ZWILCH: variants seen among roughly 807,000 people sequenced by gnomAD.
ZWILCH encodes zwilch kinetochore protein, also known as protein zwilch homolog.
In ZWILCH, 74 loss-of-function variants were observed where a neutral mutation model predicts 79.9. That is an observed-to-expected ratio of 0.93 (90% CI 0.77 to 1.12). The LOEUF (loss-of-function observed/expected upper bound fraction) is 1.12, where lower values mean the gene tolerates loss of function less well. Among genes scored for constraint, ZWILCH ranks in the 50% most tolerant of loss-of-function variants. The pLI is 0.00. For missense variants in ZWILCH, 694 were observed against 687.5 expected (o/e 1.01, Z -0.11); for synonymous variants, 241 against 228.2 (o/e 1.06, Z -0.51).
chr15:66,523,784 A>G (rs1397786930), intron 8 of ZWILCH, 36 bp downstream of exon 8: 1 of 1,502,184 alleles, frequency 6.7e-7, no homozygotes, highest in Non-Finnish European at 9.2e-7. Context: ...CCTTAAATCT[A>G]TGTTTTTATA....
chr15:66,516,415 C>T (rs193034622), intron 4 of ZWILCH, among the ~76,000 whole-genome samples: 10 of 152,266 alleles, frequency 6.6e-5, no homozygotes, highest in African/African-American at 2.2e-4. Context: ...CAAATACTAA[C>T]AGAATGGTAT....
intron 8 of ZWILCH, among the ~76,000 whole-genome samples, chr15:66,526,352 AC>A (rs1894672929): frequency 6.6e-6 from 1 of 151,766 alleles, no homozygotes; most frequent in Non-Finnish European, 1.5e-5. Flanking sequence ...GGATCACACC[AC>A]CCTCTTCATC....
chr15:66,518,430 G>A (rs970359303), intron 4 of ZWILCH, among the ~76,000 whole-genome samples: 13 of 151,480 alleles, frequency 8.6e-5, no homozygotes, highest in East Asian at 3.9e-4. Flanking sequence ...ACAGGAGCCC[G>A]CCACTACACC....
intron 7 of ZWILCH, among the ~76,000 whole-genome samples, chr15:66,522,533 T>C (rs912618464): frequency 2.0e-5 from 3 of 151,764 alleles, no homozygotes; most frequent in African/African-American, 7.3e-5. Context: ...AGAGACGGGT[T>C]TTCACCATGT....
At chr15:66,519,523 C>T (rs1215193553) in intron 5 of ZWILCH, among the ~76,000 whole-genome samples, 1 of 152,020 alleles carries the variant, frequency 6.6e-6, no homozygotes, top group Admixed American at 6.5e-5. Context: ...GGCGCGATCT[C>T]GGCTCACTGC....
intron 2 of ZWILCH, among the ~76,000 whole-genome samples, chr15:66,511,137 A>T (rs1241096753): frequency 6.6e-6 from 1 of 152,118 alleles, no homozygotes; most frequent in Non-Finnish European, 1.5e-5. Context: ...AAACTAAGAA[A>T]CCAAATGGAT....
chr15:66,528,558 T>C (rs533588019), intron 10 of ZWILCH, among the ~76,000 whole-genome samples: 3 of 152,354 alleles, frequency 2.0e-5, no homozygotes, highest in African/African-American at 7.2e-5. Context: ...TTAAACTAGA[T>C]ATATTCTCAT....
At chr15:66,525,913 C>G (rs1894656872) in intron 8 of ZWILCH, among the ~76,000 whole-genome samples, 1 of 151,926 alleles carries the variant, frequency 6.6e-6, no homozygotes, top group African/African-American at 2.4e-5. Flanking sequence ...AGGTGCCCAC[C>G]ACCATGCCCT....
chr15:66,535,870 A>T, intron 14 of ZWILCH, 63 bp from the exon 15 acceptor site: 1 of 1,465,254 alleles, frequency 6.8e-7, no homozygotes. Context: ...GCATACCTAT[A>T]TTCTTTACAA....
At chr15:66,507,403 T>G (rs931866867) in intron 1 of ZWILCH, among the ~76,000 whole-genome samples, 1 of 152,256 alleles carries the variant, frequency 6.6e-6, no homozygotes, top group Non-Finnish European at 1.5e-5. Flanking sequence ...CAGGCCATTA[T>G]CAGTTCTCTG....
At chr15:66,542,462 G>A (rs555502925) in intron 17 of ZWILCH, among the ~76,000 whole-genome samples, 13 of 152,244 alleles carry the variant, frequency 8.5e-5, no homozygotes, top group Non-Finnish European at 1.9e-4. Flanking sequence ...GCATGTGCCT[G>A]TAGTCCCAGC....
chr15:66,537,248 AG>A lies in ZWILCH; in HGVS notation c.1560del (p.Asn521ThrfsTer28). 1 of 1,612,908 alleles carries A rather than the reference AG, an allele frequency of 6.2e-7. No homozygotes were observed. The highest frequency in any genetic ancestry group is 1.3e-5 in the African/African-American group (1 of 75,022). On this transcript the variant is annotated frameshift_variant, in exon 16 of 19. Transcript: ENST00000307897. LOFTEE classifies it high-confidence loss of function. ...FQLPVRPTAV[K>X]NLYQSEKPQK... ...CTGCCAGTCAGACCAACTGCTGTAA[AG>A]AACTTATATCAAAGGTAAGCAATTT...
chr15:66,527,409 G>A, intron 9 of ZWILCH, 26 bp downstream of exon 9: 1 of 1,521,486 alleles, frequency 6.6e-7, no homozygotes, highest in Non-Finnish European at 9.1e-7. Context: ...TATTAATTGA[G>A]AATTTATACT....
chr15:66,524,266 G>A (rs1894601164), intron 8 of ZWILCH, among the ~76,000 whole-genome samples: 1 of 151,966 alleles, frequency 6.6e-6, no homozygotes, highest in Non-Finnish European at 1.5e-5. Flanking sequence ...AGTATATGAG[G>A]GTTCTGATTT....
Position 66,537,306 on chromosome 15 carries a change from C to G in ZWILCH, c.1574+43C>G, listed in dbSNP as rs769361158. 13 of 1,453,926 alleles carry G rather than the reference C, an allele frequency of 8.9e-6. No homozygotes were observed. The Admixed American group carries it at 1.5e-4, about 17-fold the overall frequency. 90.1% of individuals were successfully genotyped at this position (1,453,926 alleles called of 1,614,324 possible). A position where few individuals can be genotyped will look rare whatever the true frequency, so the allele number is the denominator to read the frequency against. On this transcript the variant is annotated intron_variant, in intron 16 of 18. Coordinates refer to ENST00000307897, the MANE Select transcript of ZWILCH (RefSeq NM_017975.5). Reference sequence around the variant, plus strand: ...GGCATGGTGGCTCATGCCTGTAATCCTAGCACTATGGGAGGCTGAGGTGGG... The same window carrying G: ...GGCATGGTGGCTCATGCCTGTAATCGTAGCACTATGGGAGGCTGAGGTGGG...
chr15:66,527,824 A>G, intron 9 of ZWILCH, 33 bp from the exon 10 acceptor site: 1 of 1,580,092 alleles, frequency 6.3e-7, no homozygotes, highest in Admixed American at 1.9e-5. Context: ...AAGCAGAAAA[A>G]TCAAGAGCTA....
At chr15:66,527,175 A>T in intron 8 of ZWILCH, 115 bp from the exon 9 acceptor site, 13 of 727,678 alleles carry the variant, frequency 1.8e-5, no homozygotes, top group Middle Eastern at 2.4e-4. Context: ...AGTACCTGGG[A>T]TGTGATAAAC....
At chr15:66,518,796 G>T in intron 4 of ZWILCH, 83 bp from the exon 5 acceptor site, 1 of 1,325,324 alleles carries the variant, frequency 7.5e-7, no homozygotes, top group Non-Finnish European at 1.1e-6. Flanking sequence ...GGGCAACAGA[G>T]TGAGACCCTG....
intron 16 of ZWILCH, 97 bp downstream of exon 16, chr15:66,537,360 C>A: frequency 2.5e-6 from 2 of 805,834 alleles, no homozygotes; most frequent in South Asian, 1.5e-5. Context: ...GAGTTCGAGA[C>A]CAGCCTGGGC....
Sources: allele counts gnomAD v4.1 joint callset (sites outside exome capture counted in the v4.1 genomes callset), GRCh38; gene constraint gnomAD v4.1.1; transcripts MANE v1.5; gene names NCBI Gene and HGNC (gene_info 2026-07-23, HGNC 2026-07-21).